The following CPNE4 variants were observed in gnomAD, a reference collection of about 807,000 sequenced individuals.
CPNE4 encodes copine 4, also known as copine-4.
A neutral mutation model predicts 67.9 loss-of-function variants in CPNE4; 25 were observed. The ratio of observed to expected loss-of-function variants is 0.37; its 90% CI spans 0.27 to 0.51. The LOEUF (loss-of-function observed/expected upper bound fraction) is 0.51. Among genes scored for constraint, CPNE4 ranks in the 20% least tolerant of loss-of-function variants. CPNE4 has a pLI of 0.93. For synonymous variants in CPNE4, 242 were observed against 244.9 expected (o/e 0.99, Z 0.11); for missense variants, 464 against 690.8 (o/e 0.67, Z 3.68).
intron 6 of CPNE4, among the ~76,000 whole-genome samples, chr3:131,675,171 T>A (rs1044505103): frequency 6.6e-6 from 1 of 152,140 alleles, no homozygotes; most frequent in Admixed American, 6.6e-5. Flanking sequence ...TCATCAGATA[T>A]GATACTTGAT....
chr3:131,768,675 A>G (rs909440018), intron 2 of CPNE4, among the ~76,000 whole-genome samples: 1 of 152,062 alleles, frequency 6.6e-6, no homozygotes, highest in African/African-American at 2.4e-5. Context: ...GAAAAAATTG[A>G]ATTTATTTCC....
At chr3:131,813,629 C>T (rs763843293) in intron 2 of CPNE4, among the ~76,000 whole-genome samples, 12 of 151,834 alleles carry the variant, frequency 7.9e-5, no homozygotes, top group Non-Finnish European at 1.3e-4. Flanking sequence ...TAAAACATTC[C>T]ATTTTATCTA....
intron 5 of CPNE4, among the ~76,000 whole-genome samples, chr3:131,689,078 T>G (rs11721309): frequency 0.096 from 14,667 of 152,260 alleles, 796 homozygotes; most frequent in Non-Finnish European, 0.11. Flanking sequence ...GCCTCTGTCT[T>G]CAGGTAGCTG....
At chr3:131,973,994 T>G (rs1273651497) in intron 1 of CPNE4, among the ~76,000 whole-genome samples, 2 of 152,160 alleles carry the variant, frequency 1.3e-5, no homozygotes, top group African/African-American at 4.8e-5. Context: ...CCAGACCAGT[T>G]TCTTTGAATC....
chr3:131,546,655 C>T (rs1232539501), intron 14 of CPNE4, among the ~76,000 whole-genome samples: 1 of 152,146 alleles, frequency 6.6e-6, no homozygotes, highest in Admixed American at 6.5e-5. Flanking sequence ...ATTGCAGACC[C>T]AGCTATCCCT....
intron 10 of CPNE4, among the ~76,000 whole-genome samples, chr3:131,572,612 G>A (rs934164994): frequency 1.3e-5 from 2 of 151,980 alleles, no homozygotes; most frequent in Non-Finnish European, 2.9e-5. Context: ...AGGATGGAAA[G>A]TGGCTCTAGG....
intron 2 of CPNE4, among the ~76,000 whole-genome samples, chr3:131,768,909 T>C (rs958377363): frequency 6.6e-6 from 1 of 152,148 alleles, no homozygotes; most frequent in African/African-American, 2.4e-5. Flanking sequence ...TTGCATCTTA[T>C]ATATGCTAGA....
intron 2 of CPNE4, among the ~76,000 whole-genome samples, chr3:131,813,986 C>T (rs189447310): frequency 1.3e-5 from 2 of 152,106 alleles, no homozygotes; most frequent in East Asian, 1.9e-4. Flanking sequence ...GACTGACACA[C>T]GGCAAGGGTC....
intron 2 of CPNE4, among the ~76,000 whole-genome samples, chr3:131,889,896 A>T (rs954244710): frequency 6.6e-6 from 1 of 152,226 alleles, no homozygotes; most frequent in Non-Finnish European, 1.5e-5. Context: ...CATGTGCAAA[A>T]GAATGAAATT....
At position 131,991,564 on chromosome 3, in the gene CPNE4, C is replaced by T. The variant is rs899045607; in HGVS notation, c.-2+43003G>A. Among the ~76,000 whole-genome samples, 5 of 135,734 alleles carry T rather than the reference C, an allele frequency of 3.7e-5. 1 individual carries two copies. The highest frequency in any genetic ancestry group is 7.4e-5 in the African/African-American group (3 of 40,618). The allele number at this position is 135,734 out of a possible 152,430, so 89.0% of individuals were successfully genotyped here. The stretch of plus-strand genomic sequence containing the variant: ...TGGAAGAAATTTCTAAGTGGCAGAG[C>T]ATTCAAGAGAAAGCAGAACATTAAA... On this transcript the variant is annotated intron_variant, in intron 1 of 15. Transcript: ENST00000429747.
intron 1 of CPNE4, among the ~76,000 whole-genome samples, chr3:132,015,746 T>C (rs1007472212): frequency 5.9e-5 from 9 of 152,168 alleles, no homozygotes; most frequent in African/African-American, 1.7e-4. Context: ...GGCTAAGCCA[T>C]TGAAGGGATC....
At chr3:131,907,535 G>A (rs956235787) in intron 1 of CPNE4, among the ~76,000 whole-genome samples, 18 of 151,676 alleles carry the variant, frequency 1.2e-4, no homozygotes, top group Non-Finnish European at 2.9e-5. Flanking sequence ...CACACCAATA[G>A]CATTTTATTG....
intron 1 of CPNE4, among the ~76,000 whole-genome samples, chr3:131,961,909 A>G (rs1342522738): frequency 6.6e-6 from 1 of 152,174 alleles, no homozygotes; most frequent in Non-Finnish European, 1.5e-5. Flanking sequence ...CTGCATACAT[A>G]TCACCAAGTC....
At chr3:131,976,905 G>A (rs188288869) in intron 1 of CPNE4, among the ~76,000 whole-genome samples, 12 of 151,858 alleles carry the variant, frequency 7.9e-5, no homozygotes, top group East Asian at 1.9e-4. Flanking sequence ...GGGTTCAAGC[G>A]ATTCTCCTGC....
intron 7 of CPNE4, among the ~76,000 whole-genome samples, chr3:131,631,283 CTA>C (rs2079214340): frequency 6.6e-6 from 1 of 152,112 alleles, no homozygotes; most frequent in Non-Finnish European, 1.5e-5. Context: ...GAGAAATTTT[CTA>C]TGTCTTTAGC....
intron 2 of CPNE4, among the ~76,000 whole-genome samples, chr3:131,792,823 T>C (rs1224428713): frequency 6.8e-6 from 1 of 148,030 alleles, no homozygotes; most frequent in Non-Finnish European, 1.5e-5. Context: ...AGTGTGTGTG[T>C]ATAATGAGTG....
chr3:131,775,429 A>G (rs2083269050), intron 2 of CPNE4, among the ~76,000 whole-genome samples: 1 of 152,094 alleles, frequency 6.6e-6, no homozygotes, highest in Non-Finnish European at 1.5e-5. Flanking sequence ...GATAGGTAAT[A>G]TGGTTTGGCT....
intron 1 of CPNE4, among the ~76,000 whole-genome samples, chr3:132,020,030 A>G (rs2073960936): frequency 6.6e-6 from 1 of 152,216 alleles, no homozygotes; most frequent in Admixed American, 6.5e-5. Flanking sequence ...TAAAGGTACA[A>G]GAGTCAGAAC....
At chr3:131,910,166 C>T (rs2088924493) in intron 1 of CPNE4, among the ~76,000 whole-genome samples, 1 of 152,114 alleles carries the variant, frequency 6.6e-6, no homozygotes. Context: ...AGGCTTACCT[C>T]CATTGACTGC....
Sources: allele counts gnomAD v4.1 joint callset (sites outside exome capture counted in the v4.1 genomes callset), GRCh38; gene constraint gnomAD v4.1.1; transcripts MANE v1.5; gene names NCBI Gene and HGNC (gene_info 2026-07-23, HGNC 2026-07-21).